Variants in HIVEP2 observed in about 807,000 individuals in gnomAD.
The protein encoded by HIVEP2 is HIVEP zinc finger 2.
HIVEP2 carries 14 observed loss-of-function variants against 180.7 expected under a neutral mutation model. The observed-to-expected ratio is 0.08, with a 90% CI of 0.05 to 0.12. The LOEUF is 0.12. HIVEP2 is among the 10% of genes least tolerant of loss of function. The pLI, the probability that HIVEP2 is intolerant of heterozygous loss-of-function variation, is 1.00. For missense variants in HIVEP2, 2,579 were observed against 3,008.5 expected (o/e 0.86, Z 3.34); for synonymous variants, 1,184 against 1,136.4 (o/e 1.04, Z -0.84).
intron 2 of HIVEP2, among the ~76,000 whole-genome samples, chr6:142,831,663 G>A (rs1228045758): frequency 6.6e-6 from 1 of 152,198 alleles, no homozygotes; most frequent in Non-Finnish European, 1.5e-5. Context: ...CAAGGAGAAT[G>A]AGACCTCCTG....
chr6:142,774,768 C>T lies in HIVEP2; in HGVS notation c.-30G>A. 6.2e-7 allele frequency: 1 copy of T among 1,602,548 alleles called. No individual in the cohort carries two copies. Among genetic ancestry groups the T allele is most frequent in the Non-Finnish European group, 8.5e-7 (1 of 1,174,102 alleles). On this transcript the variant is annotated 5_prime_UTR_variant, in exon 5 of 10. Coordinates refer to ENST00000367603, the MANE Select transcript of HIVEP2 (RefSeq NM_006734.4). This position sits in a 1 kb window ranked among gnomAD's most constrained non-coding sequence, Gnocchi z 5.1. ...TTACACAAGGTCTTAAGTGCTAGTT[C>T]CCCTGAAAGCAGTGCAGACTCATGG...
At chr6:142,931,988 AT>A (rs1282410325) in intron 1 of HIVEP2, among the ~76,000 whole-genome samples, 1 of 152,118 alleles carries the variant, frequency 6.6e-6, no homozygotes, top group Non-Finnish European at 1.5e-5. Context: ...ACTTTCCCAT[AT>A]TGGTGTGTGT....
rs542287723 is a variant in HIVEP2 at position 142,792,182 on chromosome 6, G to A, written c.-527-8567C>T. Among the ~76,000 whole-genome samples, 5 of 152,222 alleles carry A rather than the reference G, an allele frequency of 3.3e-5. No individual in the cohort carries two copies. In the South Asian group the frequency reaches 1.0e-3, roughly 32 times the overall value. ...TGGTTCTGAGAAGACAACTGCCACAGTCACAGAGACACTTTAGAAAGCTAT... is the reference window on the plus strand; with the variant it reads ...TGGTTCTGAGAAGACAACTGCCACAATCACAGAGACACTTTAGAAAGCTAT... On this transcript the variant is annotated intron_variant, in intron 2 of 9. Coordinates refer to ENST00000367603, the MANE Select transcript of HIVEP2 (RefSeq NM_006734.4).
intron 7 of HIVEP2, 93 bp downstream of exon 7, chr6:142,764,702 ATCTT>A: frequency 1.1e-6 from 1 of 881,606 alleles, no homozygotes; most frequent in Non-Finnish European, 1.8e-6. Flanking sequence ...CAAACAAACT[ATCTT>A]TATTGTTGAT....
At chr6:142,775,967 A>G (rs1410545359) in intron 4 of HIVEP2, among the ~76,000 whole-genome samples, 180 bp downstream of exon 4, 6 of 151,836 alleles carry the variant, frequency 4.0e-5, no homozygotes. Flanking sequence ...ACTATAAAGT[A>G]TAACTATATT....
intron 1 of HIVEP2, among the ~76,000 whole-genome samples, chr6:142,903,557 G>T (rs1311382360): frequency 1.3e-5 from 2 of 152,190 alleles, no homozygotes; most frequent in East Asian, 3.9e-4. Flanking sequence ...TAATACTAAT[G>T]CATTATGCAT....
chr6:142,764,971 G>A lies in HIVEP2; in HGVS notation c.5346C>T (p.Tyr1782=). 1 of 1,599,318 alleles carries A rather than the reference G, an allele frequency of 6.3e-7. No homozygotes were observed. The highest frequency in any genetic ancestry group is 1.3e-5 in the African/African-American group (1 of 74,764). ...CATATACATAATCTTCATTCGATTT[G>A]TACCTGTTTTAAAAAGAGGGAATCC... ...PIRIKIFEGG[Y]KSNEDYVYVR... Residue 1782 remains tyrosine (Y), a synonymous_variant, in exon 7 of 10, where the codon TAC becomes TAT. Coordinates refer to ENST00000367603, the MANE Select transcript of HIVEP2 (RefSeq NM_006734.4).
intron 2 of HIVEP2, among the ~76,000 whole-genome samples, chr6:142,827,972 A>G (rs1466171723): frequency 6.6e-6 from 1 of 152,204 alleles, no homozygotes; most frequent in African/African-American, 2.4e-5. Context: ...AACCTTTAGA[A>G]TGTTTTCATC....
rs1012449154 is a variant in HIVEP2 at position 142,753,336 on chromosome 6, T to A, written c.7112A>T (p.His2371Leu). Residue 2371 changes from histidine (H) to leucine (L), a missense_variant, in exon 10 of 10, where the codon CAC becomes CTC. His to Leu is a moderately conservative substitution (Grantham distance 99, BLOSUM62 -3). Transcript: ENST00000367603. ...CTGACCTGGCTCAGGTCTACTAAAGTGTCTAATGCTAACATGTGCACTTCC... is the reference window on the plus strand; with the variant it reads ...CTGACCTGGCTCAGGTCTACTAAAGAGTCTAATGCTAACATGTGCACTTCC... ...PLGSAHVSIR[H>L]FSRPEPGQPC... 6.2e-7 allele frequency: 1 copy of A among 1,614,108 alleles called. No homozygotes were observed. The highest frequency in any genetic ancestry group is 8.5e-7 in the Non-Finnish European group (1 of 1,180,018).
chr6:142,760,793 G>T, intron 8 of HIVEP2, 126 bp from the exon 9 acceptor site: 2 of 672,378 alleles, frequency 3.0e-6, no homozygotes, highest in Non-Finnish European at 4.9e-6. Flanking sequence ...TTATGTCTGA[G>T]AACTCCTATA....
chr6:142,810,323 T>C (rs1403064204), intron 2 of HIVEP2, among the ~76,000 whole-genome samples: 2 of 152,224 alleles, frequency 1.3e-5, no homozygotes, highest in African/African-American at 4.8e-5. Context: ...ACAAAATCAA[T>C]CTTAAGAATT....
intron 2 of HIVEP2, among the ~76,000 whole-genome samples, chr6:142,800,726 T>C (rs75603838): frequency 0.051 from 7,779 of 152,170 alleles, 272 homozygotes; most frequent in Middle Eastern, 0.11. Context: ...TCAAAATGCA[T>C]AGAAGATATT....
chr6:142,780,831 T>C (rs1198007248), intron 3 of HIVEP2, among the ~76,000 whole-genome samples: 1 of 152,236 alleles, frequency 6.6e-6, no homozygotes, highest in Non-Finnish European at 1.5e-5. Flanking sequence ...CAAGATTAGA[T>C]AATGGCATTT....
chr6:142,937,495 AC>A (rs1381153265), intron 1 of HIVEP2, among the ~76,000 whole-genome samples: 1 of 152,174 alleles, frequency 6.6e-6, no homozygotes, highest in Non-Finnish European at 1.5e-5. Context: ...TAAGTAACAT[AC>A]CCAAATTCCC....
chr6:142,929,685 G>A (rs1231301954), intron 1 of HIVEP2, among the ~76,000 whole-genome samples: 1 of 152,166 alleles, frequency 6.6e-6, no homozygotes, highest in Non-Finnish European at 1.5e-5. Context: ...TTCATACAAT[G>A]AAAAGGATTA....
chr6:142,842,809 A>T (rs1582905769), intron 1 of HIVEP2, among the ~76,000 whole-genome samples: 1 of 150,564 alleles, frequency 6.6e-6, no homozygotes, highest in African/African-American at 2.4e-5. Context: ...ATTTTTTTTT[A>T]AAGGCCATTT....
rs371400997 is a variant in HIVEP2, at chr6:142,773,101, C to A, written c.1638G>T (p.Val546=). 7.4e-6 allele frequency: 12 copies of A among 1,614,202 alleles called. No homozygotes were observed. Among genetic ancestry groups the A allele is most frequent in the Non-Finnish European group, 1.0e-5 (12 of 1,180,032 alleles). ...TTAGATTAGTTGCTGAAGAAGTTGGCACTGAGTTGCTTCTAATAAGGGGTG... is the reference window on the plus strand; with the variant it reads ...TTAGATTAGTTGCTGAAGAAGTTGGAACTGAGTTGCTTCTAATAAGGGGTG... ...DSSPLIRSNS[V]PTSSATNLTI... The change falls in exon 5 of 10, where the codon GTG becomes GTT. Residue 546 remains valine (V), a synonymous_variant. Transcript: ENST00000367603.
intron 1 of HIVEP2, among the ~76,000 whole-genome samples, chr6:142,916,756 A>G (rs1268195360): frequency 6.6e-6 from 1 of 152,206 alleles, no homozygotes; most frequent in Non-Finnish European, 1.5e-5. Context: ...AGGGTCCTCC[A>G]ATGAGGACTG....
intron 3 of HIVEP2, among the ~76,000 whole-genome samples, chr6:142,780,197 A>G (rs2114684737): frequency 6.6e-6 from 1 of 152,262 alleles, no homozygotes; most frequent in East Asian, 1.9e-4. Context: ...AGCCTACCCG[A>G]GATGCCCCAC....
Sources: allele counts gnomAD v4.1 joint callset (sites outside exome capture counted in the v4.1 genomes callset), GRCh38; gene constraint gnomAD v4.1.1; non-coding constraint Gnocchi (gnomAD v3.1); transcripts MANE v1.5; gene names NCBI Gene and HGNC (gene_info 2026-07-23, HGNC 2026-07-21).